NDUFAF7: variants seen among roughly 807,000 people sequenced by gnomAD.
The protein encoded by NDUFAF7 is NADH:ubiquinone oxidoreductase complex assembly factor 7, also known as protein arginine methyltransferase NDUFAF7, mitochondrial.
In NDUFAF7, 48 loss-of-function variants were observed where a neutral mutation model predicts 47.2. That is an observed-to-expected ratio of 1.02 (90% confidence interval 0.81 to 1.29). The LOEUF is 1.29. Ranked by LOEUF, NDUFAF7 falls within the 50% of genes most tolerant of loss-of-function variation. The pLI, the probability that NDUFAF7 is intolerant of heterozygous loss-of-function variation, is 0.00. For missense variants in NDUFAF7, 635 were observed against 537.6 expected (o/e 1.18, Z -1.79); for synonymous variants, 217 against 190.0 (o/e 1.14, Z -1.17).
At chr2:37,245,149 A>G (rs996911968) in intron 7 of NDUFAF7, among the ~76,000 whole-genome samples, 1 of 152,244 alleles carries the variant, frequency 6.6e-6, no homozygotes, top group Non-Finnish European at 1.5e-5. Context: ...TATAAGGAAG[A>G]AAACAACTCA....
At chr2:37,253,247 G>C (rs754218304), downstream of NDUFAF7, 42 of 1,612,374 alleles carry the variant, frequency 2.6e-5, no homozygotes, top group Non-Finnish European at 3.6e-5. Flanking sequence ...AAGGTTATGT[G>C]TGTATGCATG....
chr2:37,246,079 G>A lies in NDUFAF7; in HGVS notation c.820G>A (p.Val274Met), dbSNP rs145295445. Residue 274 changes from valine (V) to methionine (M), a missense_variant, in exon 8 of 10, where the codon GTG becomes ATG. By Grantham distance (21) the Val-to-Met change is conservative. Transcript: ENST00000002125. ...TGACGAAACAAGGGATCATGTTGAA[G>A]TGTGTCCTGATGCTGGTGTTATCAT... ...QHDETRDHVE[V>M]CPDAGVIIEE... is the part of the protein sequence containing the mutation. The A allele has an allele frequency of 2.8e-5, 45 of 1,613,932 alleles. No individual in the cohort carries two copies. In the African/African-American group the frequency reaches 6.0e-4, roughly 22 times the overall value.
In NDUFAF7 at chr2:37,248,307, T is replaced by G. The variant is rs1168756195; in HGVS notation, c.1283T>G (p.Phe428Cys). 19 of 1,614,162 alleles carry G rather than the reference T, an allele frequency of 1.2e-5. No homozygotes were observed. The highest frequency in any genetic ancestry group is 1.4e-5 in the Non-Finnish European group (17 of 1,180,014). The change falls in exon 10 of 10, where the codon TTT becomes TGT. Residue 428 changes from phenylalanine to cysteine, a missense_variant. Phe to Cys is a radical substitution (Grantham distance 205). Transcript: ENST00000002125. ...YQRNARQSKP[F>C]ASVVAGFSEL... ...AGGAATGCACGTCAGTCAAAACCCT[T>G]TGCATCCGTTGTAGCTGGGTTTAGT...
At chr2:37,231,821 G>T (rs1392394197) in intron 1 of NDUFAF7, 61 bp downstream of exon 1, 31 of 1,609,408 alleles carry the variant, frequency 1.9e-5, no homozygotes, top group Non-Finnish European at 2.4e-5. Context: ...GCCTTCCTCA[G>T]CTCTTCAGTT....
chr2:37,247,332 T>C, intron 8 of NDUFAF7, 124 bp from the exon 9 acceptor site: 1 of 1,187,884 alleles, frequency 8.4e-7, no homozygotes, highest in East Asian at 2.6e-5. Flanking sequence ...GCCTAGAGAA[T>C]TAATGAGAGC....
downstream of NDUFAF7, chr2:37,252,733 G>A (rs1667593872): frequency 6.6e-6 from 1 of 151,600 alleles, no homozygotes; most frequent in South Asian, 2.1e-4. Context: ...TTAAATACAA[G>A]CCTGTCGAGT....
intron 4 of NDUFAF7, among the ~76,000 whole-genome samples, chr2:37,239,589 A>G (rs1666146861): frequency 6.6e-6 from 1 of 152,236 alleles, no homozygotes; most frequent in African/African-American, 2.4e-5. Context: ...ATAGCGGAAA[A>G]TAACAGCACA....
chr2:37,269,329 C>T, the NDUFAF7 span: 906 of 373,272 alleles, frequency 2.4e-3, 5 homozygotes, highest in Non-Finnish European at 3.3e-3. Flanking sequence ...AAACTTCAAA[C>T]CATCTCCCCC....
downstream of NDUFAF7, chr2:37,251,979 T>C (rs957921370): frequency 6.6e-6 from 1 of 152,184 alleles, no homozygotes. Context: ...GGGGAAGATA[T>C]TTAAAAATAT....
At chr2:37,254,420 C>G (rs571843722), downstream of NDUFAF7, 40 of 653,792 alleles carry the variant, frequency 6.1e-5, no homozygotes, top group South Asian at 6.9e-4. Flanking sequence ...AGGACGTGGA[C>G]TTTTAGCTAA....
chr2:37,243,426 T>TG (rs1666557729), intron 6 of NDUFAF7, among the ~76,000 whole-genome samples: 1 of 152,158 alleles, frequency 6.6e-6, no homozygotes, highest in African/African-American at 2.4e-5. Flanking sequence ...CACTCCAGCC[T>TG]GGGCAACAAA....
chr2:37,259,775 T>C, the NDUFAF7 span: 70 of 845,502 alleles, frequency 8.3e-5, no homozygotes, highest in Middle Eastern at 2.4e-4. Flanking sequence ...AACTCCACTA[T>C]AGTTCATCAA....
chr2:37,270,765 T>C, the NDUFAF7 span, among the ~76,000 whole-genome samples: 12 of 152,262 alleles, frequency 7.9e-5, no homozygotes, highest in Admixed American at 2.0e-4. Flanking sequence ...TTAATCTTTT[T>C]GTTTAACCAA....
At position 37,248,998 on chromosome 2, in the gene NDUFAF7, A is replaced by G. The variant is rs139005102; in HGVS notation, c.*648A>G. 1.5e-4 allele frequency: 23 copies of G among 152,864 alleles called. No individual in the cohort carries two copies. Among genetic ancestry groups the G allele is most frequent in the African/African-American group, 5.5e-4 (23 of 41,564 alleles). 9.5% of individuals were successfully genotyped at this position (152,864 alleles called of 1,614,324 possible). ...TGGCTATTCACAGGAAACTGATAAG[A>G]TATATGTTATTTTTTTAAATGAGCT... On this transcript the variant is annotated 3_prime_UTR_variant, in exon 10 of 10. Coordinates refer to ENST00000002125, the MANE Select transcript of NDUFAF7 (RefSeq NM_144736.5).
chr2:37,256,657 T>TAAA, downstream of NDUFAF7: 3 of 1,258,664 alleles, frequency 2.4e-6, no homozygotes, highest in Non-Finnish European at 3.1e-6. Flanking sequence ...TTTTTTTTTT[T>TAAA]TTACCTTCAC....
intron 4 of NDUFAF7, among the ~76,000 whole-genome samples, chr2:37,238,748 A>G (rs1000522053): frequency 1.3e-5 from 2 of 152,162 alleles, no homozygotes; most frequent in Non-Finnish European, 2.9e-5. Flanking sequence ...AGAGTGGGAG[A>G]AGTTATTTGT....
chr2:37,247,613 T>C lies in NDUFAF7; in HGVS notation c.1094T>C (p.Ile365Thr). Residue 365 changes from isoleucine (I) to threonine (T), a missense_variant, in exon 9 of 10, where the codon ATT becomes ACT. By Grantham distance (89) the Ile-to-Thr change is moderately conservative. Transcript: ENST00000002125. ...CACACATTTTTAAAAAATATGGGTA[T>C]TGATGTCCGGCTGAAGGTAAGGTTT... ...KQHTFLKNMG[I>T]DVRLKVLLDK... 6.2e-7 allele frequency: 1 copy of C among 1,613,934 alleles called. No homozygotes were observed. Among genetic ancestry groups the C allele is most frequent in the South Asian group, 1.1e-5 (1 of 91,080 alleles).
chr2:37,264,416 T>C, the NDUFAF7 span, among the ~76,000 whole-genome samples: 8 of 151,968 alleles, frequency 5.3e-5, no homozygotes, highest in South Asian at 8.3e-4. Flanking sequence ...AGCTTATAAA[T>C]TGCAGCAAGG....
chr2:37,269,336 C>A, the NDUFAF7 span: 1 of 356,524 alleles, frequency 2.8e-6, no homozygotes, highest in Non-Finnish European at 5.1e-6. Flanking sequence ...AAACCATCTC[C>A]CCCCCTGCCT....
Sources: allele counts gnomAD v4.1 joint callset (sites outside exome capture counted in the v4.1 genomes callset), GRCh38; gene constraint gnomAD v4.1.1; transcripts MANE v1.5; gene names NCBI Gene and HGNC (gene_info 2026-07-23, HGNC 2026-07-21).